Variants in ANO10 observed in about 807,000 individuals in gnomAD.
ANO10 encodes the protein anoctamin-10.
A neutral mutation model predicts 74.7 loss-of-function variants in ANO10; 77 were observed. The observed-to-expected ratio is 1.03, with a 90% confidence interval of 0.86 to 1.25. The LOEUF (loss-of-function observed/expected upper bound fraction) is 1.25, where lower values mean the gene tolerates loss of function less well. Ranked by LOEUF, ANO10 falls within the 50% of genes most tolerant of loss-of-function variation. ANO10 has a pLI of 0.00. For missense variants in ANO10, 721 were observed against 778.1 expected, an observed-to-expected ratio of 0.93 and a Z score of 0.87; for synonymous variants, 279 against 284.9, an observed-to-expected ratio of 0.98 and a Z score of 0.21.
At chr3:43,489,572 A>T (rs2076638719) in intron 11 of ANO10, among the ~76,000 whole-genome samples, 1 of 152,060 alleles carries the variant, frequency 6.6e-6, no homozygotes, top group African/African-American at 2.4e-5. Context: ...CCTTAGGGTG[A>T]CCAGTGAAGG....
At chr3:43,629,028 C>G (rs894874037) in intron 1 of ANO10, among the ~76,000 whole-genome samples, 4 of 152,210 alleles carry the variant, frequency 2.6e-5, no homozygotes, top group Non-Finnish European at 5.9e-5. Flanking sequence ...CGCACACTCC[C>G]TCCCCTTTTG....
chr3:43,604,765 A>G (rs1238993541), intron 2 of ANO10, among the ~76,000 whole-genome samples: 2 of 152,162 alleles, frequency 1.3e-5, no homozygotes, highest in Non-Finnish European at 2.9e-5. Context: ...ATACACTGGA[A>G]TCTTTCACAC....
chr3:43,540,143 T>C (rs968193907), intron 11 of ANO10, among the ~76,000 whole-genome samples: 8 of 152,232 alleles, frequency 5.3e-5, no homozygotes, highest in Admixed American at 5.2e-4. Flanking sequence ...GGGCCAATAA[T>C]TCCTTCGTTA....
At chr3:43,500,410 C>T (rs2077057470) in intron 11 of ANO10, among the ~76,000 whole-genome samples, 1 of 152,168 alleles carries the variant, frequency 6.6e-6, no homozygotes, top group African/African-American at 2.4e-5. Context: ...TATAGCCCCA[C>T]CCAGAATTCA....
chr3:43,552,347 C>T (rs918725185), intron 10 of ANO10, among the ~76,000 whole-genome samples: 3 of 151,780 alleles, frequency 2.0e-5, no homozygotes, highest in Admixed American at 6.6e-5. Context: ...TTGAGGCCAA[C>T]CTGGTCAACA....
chr3:43,400,165 G>A (rs900201175), intron 12 of ANO10, among the ~76,000 whole-genome samples: 1 of 152,016 alleles, frequency 6.6e-6, no homozygotes, highest in Non-Finnish European at 1.5e-5. Flanking sequence ...TTTAATAGAT[G>A]TATGCTTTTC....
intron 12 of ANO10, among the ~76,000 whole-genome samples, chr3:43,379,285 T>C (rs890301327): frequency 3.3e-5 from 5 of 152,238 alleles, no homozygotes; most frequent in African/African-American, 1.2e-4. Flanking sequence ...AGTAATTAAT[T>C]GGATAATATT....
chr3:43,623,758 C>T (rs1174072962), upstream of ANO10, among the ~76,000 whole-genome samples: 3 of 152,148 alleles, frequency 2.0e-5, no homozygotes, highest in African/African-American at 7.2e-5. Context: ...TCTAGTCCTC[C>T]GATGCTATCA....
Position 43,520,783 on chromosome 3 carries a change from T to C in ANO10, c.1797+28937A>G, listed in dbSNP as rs147611825. Among the ~76,000 whole-genome samples, 121 of 152,296 alleles carry C rather than the reference T, an allele frequency of 7.9e-4. 1 individual carries two copies. Among genetic ancestry groups the C allele is most frequent in the African/African-American group, 2.7e-3 (113 of 41,572 alleles). On this transcript the variant is annotated intron_variant, in intron 11 of 12. Transcript: ENST00000292246. ...GTTCCTTGCATTTCCATATGAATTA[T>C]AGGATCAACTTGTAATTTTTGAAAA...
rs112666843 is a variant in ANO10 at position 43,396,362 on chromosome 3, G to A, written c.1915-29388C>T. ...TTTGATAAGGTTTTTTTTTTGAGAT[G>A]GAGTCTCGCTCTGTCGCCCAGGCTG... On this transcript the variant is annotated intron_variant, in intron 12 of 12. Coordinates refer to ENST00000292246, the MANE Select transcript of ANO10 (RefSeq NM_018075.5). 5.9e-3 allele frequency among the ~76,000 whole-genome samples: 884 copies of A among 150,564 alleles called. 7 individuals carry two copies. Among genetic ancestry groups the A allele is most frequent in the African/African-American group, 0.019 (801 of 41,102 alleles).
intron 5 of ANO10, among the ~76,000 whole-genome samples, chr3:43,579,359 G>C (rs765621930): frequency 2.0e-5 from 3 of 152,072 alleles, no homozygotes; most frequent in Non-Finnish European, 4.4e-5. Context: ...TAAATAACTG[G>C]CTCCTCAAAA....
At chr3:43,398,532 G>A (rs1350835001) in intron 12 of ANO10, among the ~76,000 whole-genome samples, 1 of 152,170 alleles carries the variant, frequency 6.6e-6, no homozygotes, top group East Asian at 1.9e-4. Context: ...CTTCTGTGAA[G>A]AGTTTGATAT....
intron 1 of ANO10, chr3:43,636,577 G>A (rs1046044312): frequency 1.2e-4 from 18 of 152,160 alleles, no homozygotes; most frequent in African/African-American, 4.1e-4. Flanking sequence ...ATACAGAGAG[G>A]ATTGAAAGAA....
rs191729257 is a variant in ANO10 at position 43,680,269 on chromosome 3, A to C, written c.-12+11248T>G. Among the ~76,000 whole-genome samples, 410 of 152,338 alleles carry C rather than the reference A, an allele frequency of 2.7e-3. 1 individual carries two copies. Among genetic ancestry groups the C allele is most frequent in the African/African-American group, 9.1e-3 (380 of 41,572 alleles). ...ACCTGATGGAGCTGAAAACCATGGCACGAGAACTATGTGACGAATGCACAA... is the reference window on the plus strand; with the variant it reads ...ACCTGATGGAGCTGAAAACCATGGCCCGAGAACTATGTGACGAATGCACAA... On this transcript the variant is annotated intron_variant, in intron 1 of 3. Coordinates refer to the ANO10 transcript ENST00000413397.
intron 11 of ANO10, among the ~76,000 whole-genome samples, chr3:43,514,204 T>C (rs963217674): frequency 6.6e-6 from 1 of 152,020 alleles, no homozygotes; most frequent in Non-Finnish European, 1.5e-5. Flanking sequence ...GCTTGTCAGA[T>C]TGGATAAAAA....
rs528209200 is a variant in ANO10 at position 43,474,219 on chromosome 3, C to G, written c.1798-41492G>C. On this transcript the variant is annotated intron_variant, in intron 11 of 12. Coordinates refer to ENST00000292246, the MANE Select transcript of ANO10 (RefSeq NM_018075.5). ...GCAAGTTTCAGTACTTCCCCGCCCC[C>G]CCCAACCCCAATTTCTTCCTTTTTC... Among the ~76,000 whole-genome samples, 34 of 152,192 alleles carry G rather than the reference C, an allele frequency of 2.2e-4. 1 individual carries two copies. The Middle Eastern group carries it at 0.017, about 76-fold the overall frequency.
chr3:43,543,154 C>T (rs2149284726), intron 11 of ANO10, among the ~76,000 whole-genome samples: 1 of 152,214 alleles, frequency 6.6e-6, no homozygotes, highest in African/African-American at 2.4e-5. Context: ...TCTCTCCTTC[C>T]CTCCCTCTCT....
intron 12 of ANO10, among the ~76,000 whole-genome samples, chr3:43,392,115 T>C (rs901646666): frequency 6.6e-6 from 1 of 152,074 alleles, no homozygotes; most frequent in African/African-American, 2.4e-5. Flanking sequence ...CTCCCTCCTG[T>C]CTCCTGATTA....
chr3:43,399,357 T>C (rs915938199), intron 12 of ANO10, among the ~76,000 whole-genome samples: 2 of 152,262 alleles, frequency 1.3e-5, no homozygotes, highest in Non-Finnish European at 2.9e-5. Context: ...TCATAATTTA[T>C]GAATGCAATA....
Sources: allele counts gnomAD v4.1 joint callset (sites outside exome capture counted in the v4.1 genomes callset), GRCh38; gene constraint gnomAD v4.1.1; transcripts MANE v1.5; gene names NCBI Gene and HGNC (gene_info 2026-07-23, HGNC 2026-07-21).